Variants in BCL6 observed in about 807,000 individuals in gnomAD.
The protein encoded by BCL6 is B-cell lymphoma 6 protein.
A neutral mutation model predicts 59.5 loss-of-function variants in BCL6; 7 were observed. That is an observed-to-expected ratio of 0.12 (90% CI 0.07 to 0.22). BCL6 has a LOEUF of 0.22. Among genes scored for constraint, BCL6 ranks in the 10% least tolerant of loss-of-function variants. The pLI, the probability that BCL6 is intolerant of heterozygous loss-of-function variation, is 1.00. For missense variants in BCL6, 685 were observed against 939.4 expected (o/e 0.73, Z 3.54); for synonymous variants, 339 against 349.7 (o/e 0.97, Z 0.34).
intron 3 of BCL6, chr3:187,732,499 C>A: frequency 4.7e-6 from 1 of 211,526 alleles, no homozygotes; most frequent in Non-Finnish European, 1.0e-5. Context: ...CAAGCAATGC[C>A]TCCAGGTGCC....
intron 9 of BCL6, among the ~76,000 whole-genome samples, chr3:187,722,983 C>A (rs2108554102): frequency 6.6e-6 from 1 of 152,314 alleles, no homozygotes; most frequent in South Asian, 2.1e-4. Flanking sequence ...AGATTTCTAC[C>A]TTTACCACAC....
chr3:187,726,341 A>G (rs1718692677), intron 7 of BCL6, among the ~76,000 whole-genome samples: 1 of 152,210 alleles, frequency 6.6e-6, no homozygotes. Flanking sequence ...ATGAGAAGCT[A>G]CCTGGTAAAG....
intron 4 of BCL6, among the ~76,000 whole-genome samples, chr3:187,731,401 C>T (rs1719034598): frequency 6.6e-6 from 1 of 151,966 alleles, no homozygotes; most frequent in Non-Finnish European, 1.5e-5. Context: ...AAGTGTTAAT[C>T]AGAAACACTT....
chr3:187,739,811 A>C (rs1175110416), intron 1 of BCL6, among the ~76,000 whole-genome samples: 1 of 152,050 alleles, frequency 6.6e-6, no homozygotes, highest in Non-Finnish European at 1.5e-5. Flanking sequence ...GGGGGAGGGG[A>C]GAAGCATGAT....
chr3:187,727,332 C>A (rs1227355645), intron 6 of BCL6, among the ~76,000 whole-genome samples: 3 of 152,254 alleles, frequency 2.0e-5, no homozygotes, highest in Non-Finnish European at 4.4e-5. Flanking sequence ...TCTTCAAAGT[C>A]AGATAATAAA....
At position 187,729,071 on chromosome 3, in the gene BCL6, C is replaced by T. The variant is rs761002552; in HGVS notation, c.1334G>A (p.Arg445Gln). The T allele has an allele frequency of 1.6e-5, 25 of 1,528,562 alleles. No individual in the cohort carries two copies. Among genetic ancestry groups the T allele is most frequent in the South Asian group, 2.6e-5 (2 of 76,428 alleles). The allele number at this position is 1,528,562 out of a possible 1,614,324, so 94.7% of individuals were successfully genotyped here. ...GEDSTIPQAS[R>Q]LNNIVNRSMT... The stretch of plus-strand genomic sequence containing the variant: ...TCACCTGTTAACGATGTTATTGAGC[C>T]GGCTGGCTTGTGGGATGGTGGAGTC... Residue 445 changes from arginine (R) to glutamine (Q), a missense_variant, in exon 5 of 10, where the codon CGG (arginine) becomes CAG (glutamine). Transcript: ENST00000406870. The surrounding 1 kb of genome is among the most constrained non-coding windows in gnomAD (Gnocchi z 5.6).
intron 7 of BCL6, among the ~76,000 whole-genome samples, chr3:187,726,084 T>C (rs1718677951): frequency 6.6e-6 from 1 of 152,174 alleles, no homozygotes. Flanking sequence ...ACAGATTCAC[T>C]CATCAACTCA....
intron 1 of BCL6, among the ~76,000 whole-genome samples, chr3:187,744,952 A>C (rs1711847672): frequency 6.6e-6 from 1 of 152,252 alleles, no homozygotes; most frequent in South Asian, 2.1e-4. Flanking sequence ...GGGGCCAGAC[A>C]GCCCCCAGAC....
At chr3:187,739,740 G>A (rs1487305769) in intron 1 of BCL6, among the ~76,000 whole-genome samples, 1 of 152,144 alleles carries the variant, frequency 6.6e-6, no homozygotes, top group African/African-American at 2.4e-5. Flanking sequence ...ATCGCGTCCC[G>A]GAGCAGAGAT....
chr3:187,740,051 G>A (rs1405201818), intron 1 of BCL6, among the ~76,000 whole-genome samples: 3 of 152,164 alleles, frequency 2.0e-5, no homozygotes, highest in Non-Finnish European at 4.4e-5. Context: ...CTCGATCCCC[G>A]CCGACCCGGG....
In BCL6 at chr3:187,729,850, G is replaced by A; in HGVS notation, c.555C>T (p.Tyr185=). ...AGGCTGGCGGTGTGGACAGGCCACT[G>A]TACAGGCTGGGGGCAAAGGCTCTGC... is the stretch of plus-strand genomic sequence containing the variant. ...CESRAFAPSL[Y]SGLSTPPASY... Residue 185 remains tyrosine, a synonymous_variant, in exon 5 of 10, where the codon TAC becomes TAT. Coordinates refer to ENST00000406870, the MANE Select transcript of BCL6 (RefSeq NM_001706.5). This position sits in a 1 kb window ranked among gnomAD's most constrained non-coding sequence, Gnocchi z 5.6. 6.2e-7 allele frequency: 1 copy of A among 1,614,066 alleles called. No individual in the cohort carries two copies. Among genetic ancestry groups the A allele is most frequent in the Non-Finnish European group, 8.5e-7 (1 of 1,180,000 alleles).
chr3:187,739,941 G>A (rs1711530193), intron 1 of BCL6, among the ~76,000 whole-genome samples: 1 of 152,234 alleles, frequency 6.6e-6, no homozygotes, highest in African/African-American at 2.4e-5. Context: ...AGTCAAACTT[G>A]ACCGCGCTTC....
Position 187,725,676 on chromosome 3 carries a change from A to T in BCL6, c.1709-47T>A, listed in dbSNP as rs746831293. On this transcript the variant is annotated intron_variant, in intron 7 of 9. Coordinates refer to ENST00000406870, the MANE Select transcript of BCL6 (RefSeq NM_001706.5). The surrounding 1 kb of genome is among the most constrained non-coding windows in gnomAD (Gnocchi z 4.7). ...AAAGAAAAGCCATATTCAATAAGGA[A>T]GGTCTCTGCAGTCCGTGGCTCCTGG... is the stretch of plus-strand genomic sequence containing the variant. 1 of 1,609,688 alleles carries T rather than the reference A, an allele frequency of 6.2e-7. No homozygotes were observed. Among genetic ancestry groups the T allele is most frequent in the Non-Finnish European group, 8.5e-7 (1 of 1,177,304 alleles).
rs1359353336 is a variant in BCL6 at position 187,725,099 on chromosome 3, G to A, written c.1840-21C>T. On this transcript the variant is annotated intron_variant, in intron 8 of 9. Transcript: ENST00000406870. The surrounding 1 kb of genome is among the most constrained non-coding windows in gnomAD (Gnocchi z 4.7). ...GCCACCTGAACGAAGAAGAAGGCATGAGAGGTCTTCTGGGGTGGGCTGCAG... is the reference window on the plus strand; with the variant it reads ...GCCACCTGAACGAAGAAGAAGGCATAAGAGGTCTTCTGGGGTGGGCTGCAG... The A allele has an allele frequency of 7.4e-6, 12 of 1,613,456 alleles. No individual in the cohort carries two copies. Among genetic ancestry groups the A allele is most frequent in the Admixed American group, 1.7e-5 (1 of 60,032 alleles).
chr3:187,732,245 CTGTACAGAT>C, intron 3 of BCL6: 1 of 406,526 alleles, frequency 2.5e-6, no homozygotes, highest in South Asian at 2.2e-5. Context: ...TTAGTCTTAA[CTGTACAGAT>C]TACCAGAGTT....
At chr3:187,735,238 G>GA in intron 1 of BCL6, among the ~76,000 whole-genome samples, 1 of 152,248 alleles carries the variant, frequency 6.6e-6, no homozygotes, top group South Asian at 2.1e-4. Context: ...TTATGGGAAA[G>GA]AAAAAATAAG....
chr3:187,728,861 A>C (rs183657574), intron 5 of BCL6, among the ~76,000 whole-genome samples, 189 bp downstream of exon 5: 86 of 152,332 alleles, frequency 5.6e-4, no homozygotes, highest in African/African-American at 1.8e-3. Flanking sequence ...GAAGGGAATT[A>C]TCTCTCTTGC....
chr3:187,729,075 T>C lies in BCL6; in HGVS notation c.1330A>G (p.Ser444Gly). The C allele has an allele frequency of 2.6e-6, 4 of 1,530,016 alleles. No individual in the cohort carries two copies. Among genetic ancestry groups the C allele is most frequent in the Non-Finnish European group, 3.5e-6 (4 of 1,140,412 alleles). 94.8% of individuals were successfully genotyped at this position (1,530,016 alleles called of 1,614,324 possible). A position where few individuals can be genotyped will look rare whatever the true frequency, so the allele number is the denominator to read the frequency against. ...CTGTTAACGATGTTATTGAGCCGGC[T>C]GGCTTGTGGGATGGTGGAGTCCTCC... is the stretch of plus-strand genomic sequence containing the variant. ...SGEDSTIPQA[S>G]RLNNIVNRSM... is the part of the protein sequence containing the mutation. Residue 444 changes from serine to glycine, a missense_variant, in exon 5 of 10, where the codon AGC (serine) becomes GGC (glycine). Ser to Gly is a moderately conservative substitution (Grantham distance 56, BLOSUM62 0). Coordinates refer to ENST00000406870, the MANE Select transcript of BCL6 (RefSeq NM_001706.5). This position sits in a 1 kb window ranked among gnomAD's most constrained non-coding sequence, Gnocchi z 5.6.
intron 1 of BCL6, among the ~76,000 whole-genome samples, chr3:187,744,122 T>C (rs578038264): frequency 6.6e-6 from 1 of 151,988 alleles, no homozygotes; most frequent in Admixed American, 6.6e-5. Context: ...GCTTGCACCA[T>C]GGGAAAAAAT....
Sources: gnomAD v4.1 joint callset for allele counts (sites outside exome capture counted in the v4.1 genomes callset) on GRCh38, gnomAD v4.1.1 for gene constraint, Gnocchi (gnomAD v3.1) non-coding constraint, MANE v1.5 for transcripts, NCBI Gene and HGNC (gene_info 2026-07-23, HGNC 2026-07-21) for gene names.